GPR39: variants seen among roughly 807,000 people sequenced by gnomAD.
GPR39 encodes the protein zinc sensing receptor.
GPR39 carries 23 observed loss-of-function variants against 18.4 expected under a neutral mutation model. The ratio of observed to expected loss-of-function variants is 1.25; its 90% confidence interval spans 0.90 to 1.77. The LOEUF is 1.77. Among genes scored for constraint, GPR39 ranks in the 40% most tolerant of loss-of-function variants. The pLI, the probability that GPR39 is intolerant of heterozygous loss-of-function variation, is 0.00. For missense variants in GPR39, 647 were observed against 602.4 expected, an observed-to-expected ratio of 1.07 and a Z score of -0.78; for synonymous variants, 280 against 257.9, an observed-to-expected ratio of 1.09 and a Z score of -0.82.
intron 1 of GPR39, among the ~76,000 whole-genome samples, chr2:132,585,616 GC>G (rs1345092440): frequency 1.3e-5 from 2 of 152,124 alleles, no homozygotes; most frequent in Non-Finnish European, 2.9e-5. Context: ...TGCTCCGGCC[GC>G]CCCCGGGATG....
intron 1 of GPR39, among the ~76,000 whole-genome samples, chr2:132,420,297 A>G (rs899814043): frequency 8.5e-5 from 13 of 152,218 alleles, no homozygotes; most frequent in African/African-American, 3.1e-4. Flanking sequence ...TCCTCTCCCA[A>G]TGAATTTCAA....
In GPR39 at chr2:132,597,354, T is replaced by C. The variant is rs544122153; in HGVS notation, c.857-47747T>C. On this transcript the variant is annotated intron_variant, in intron 1 of 1. Transcript: ENST00000329321. Reference sequence around the variant, plus strand: ...TTCTGCAAACCCTTTCTTCTGAGCTTCTCCCTGGCTCTGGATTTCACCACC... The same window carrying C: ...TTCTGCAAACCCTTTCTTCTGAGCTCCTCCCTGGCTCTGGATTTCACCACC... Among the ~76,000 whole-genome samples the C allele has an allele frequency of 7.2e-5, 11 of 152,286 alleles. No homozygotes were observed. In the South Asian group the frequency reaches 2.3e-3, roughly 32 times the overall value.
At chr2:132,585,582 G>A (rs1257496541) in intron 1 of GPR39, among the ~76,000 whole-genome samples, 1 of 152,224 alleles carries the variant, frequency 6.6e-6, no homozygotes, top group Admixed American at 6.5e-5. Flanking sequence ...ACTTCGAACC[G>A]CCGGCGCGGC....
chr2:132,441,502 A>G (rs1223755615), intron 1 of GPR39, among the ~76,000 whole-genome samples: 1 of 152,220 alleles, frequency 6.6e-6, no homozygotes, highest in Non-Finnish European at 1.5e-5. Flanking sequence ...TCAGGGAGTC[A>G]TCTATACTTA....
chr2:132,480,160 A>G (rs1409230699), intron 1 of GPR39, among the ~76,000 whole-genome samples: 5 of 152,254 alleles, frequency 3.3e-5, no homozygotes, highest in African/African-American at 9.6e-5. Flanking sequence ...GTCAATCACG[A>G]AAAGATAAAT....
intron 1 of GPR39, among the ~76,000 whole-genome samples, chr2:132,501,300 A>G (rs908222127): frequency 6.6e-6 from 1 of 151,984 alleles, no homozygotes; most frequent in Non-Finnish European, 1.5e-5. Flanking sequence ...CAGTTCAAAG[A>G]ATTTTTAACT....
intron 1 of GPR39, among the ~76,000 whole-genome samples, chr2:132,466,169 G>A (rs1680924499): frequency 6.6e-6 from 1 of 152,014 alleles, no homozygotes; most frequent in African/African-American, 2.4e-5. Flanking sequence ...GGTTTGGAAG[G>A]GTTCATGTCT....
intron 1 of GPR39, among the ~76,000 whole-genome samples, chr2:132,436,503 C>T (rs1680321359): frequency 1.3e-5 from 2 of 152,130 alleles, no homozygotes; most frequent in Admixed American, 1.3e-4. Flanking sequence ...GAGTCATGTT[C>T]TCCGCATTTT....
chr2:132,492,886 C>T lies in GPR39; in HGVS notation c.856+74988C>T, dbSNP rs191921826. Among the ~76,000 whole-genome samples the T allele has an allele frequency of 6.2e-3, 844 of 136,506 alleles. 5 individuals are homozygous for T. The highest frequency in any genetic ancestry group is 0.023 in the Middle Eastern group (2 of 88). The allele number at this position is 136,506 out of a possible 152,430, so 89.6% of individuals were successfully genotyped here. ...CATATATGTACACCATATATATACA[C>T]CATATATATACCATATATATACACC... On this transcript the variant is annotated intron_variant, in intron 1 of 1. Coordinates refer to ENST00000329321, the MANE Select transcript of GPR39 (RefSeq NM_001508.3).
At chr2:132,436,653 A>G (rs1196323758) in intron 1 of GPR39, among the ~76,000 whole-genome samples, 8 of 152,124 alleles carry the variant, frequency 5.3e-5, no homozygotes, top group Non-Finnish European at 2.9e-5. Flanking sequence ...GGTGGGTAGT[A>G]TTTGTGATTA....
At chr2:132,546,336 C>G (rs1679948082) in intron 1 of GPR39, among the ~76,000 whole-genome samples, 1 of 152,166 alleles carries the variant, frequency 6.6e-6, no homozygotes, top group Non-Finnish European at 1.5e-5. Context: ...AGAGGCCCCA[C>G]AGGGCACAGC....
intron 1 of GPR39, among the ~76,000 whole-genome samples, chr2:132,530,287 A>T (rs920659078): frequency 4.7e-4 from 72 of 152,284 alleles, no homozygotes; most frequent in Non-Finnish European, 4.1e-4. Context: ...AAATGAAGAG[A>T]GAAGAGAAGT....
At chr2:132,539,132 G>C (rs1679814296) in intron 1 of GPR39, among the ~76,000 whole-genome samples, 1 of 152,198 alleles carries the variant, frequency 6.6e-6, no homozygotes, top group Non-Finnish European at 1.5e-5. Flanking sequence ...CTGCAGCTCA[G>C]TGCCTGCCCA....
chr2:132,593,959 C>T lies in GPR39; in HGVS notation c.857-51142C>T, dbSNP rs79843521. On this transcript the variant is annotated intron_variant, in intron 1 of 1. Transcript: ENST00000329321. ...GCCTAGAAACTCATTCCTCCCATCC[C>T]GCCTCCCTGATATTTTGTCCAGGTC... Among the ~76,000 whole-genome samples the T allele has an allele frequency of 1.4e-4, 22 of 152,228 alleles. No individual in the cohort carries two copies. The East Asian group carries it at 2.9e-3, about 20-fold the overall frequency.
chr2:132,575,538 G>A (rs1680515157), intron 1 of GPR39, among the ~76,000 whole-genome samples: 1 of 152,164 alleles, frequency 6.6e-6, no homozygotes, highest in Admixed American at 6.5e-5. Context: ...CTGTTTTCCA[G>A]AGTGGTTGTA....
chr2:132,523,272 C>T (rs1309906016), intron 1 of GPR39, among the ~76,000 whole-genome samples: 1 of 152,210 alleles, frequency 6.6e-6, no homozygotes, highest in African/African-American at 2.4e-5. Context: ...CATCTTTTGT[C>T]ACCATCGTTT....
At chr2:132,602,148 AC>A (rs1429198033) in intron 1 of GPR39, among the ~76,000 whole-genome samples, 1 of 152,126 alleles carries the variant, frequency 6.6e-6, no homozygotes, top group African/African-American at 2.4e-5. Flanking sequence ...AAAATATACC[AC>A]AAAGCTATAG....
At chr2:132,512,973 G>A (rs928319261) in intron 1 of GPR39, among the ~76,000 whole-genome samples, 6 of 152,136 alleles carry the variant, frequency 3.9e-5, no homozygotes, top group Admixed American at 2.0e-4. Flanking sequence ...ATGATTCTGC[G>A]GGTTGACTGG....
rs1185709612 is a variant in GPR39, at chr2:132,492,574, TATATATACACACCATATATATACC to T, written c.856+74692_856+74715del. ...TACACCATATATACGATATATACCA[TATATATACACACCATATATATACC>T]ATATATACACACCATCTATATATAC... On this transcript the variant is annotated intron_variant, in intron 1 of 1. Transcript: ENST00000329321. Among the ~76,000 whole-genome samples the T allele has an allele frequency of 4.1e-3, 556 of 137,000 alleles. 15 individuals are homozygous for T. Among genetic ancestry groups the T allele is most frequent in the African/African-American group, 0.015 (535 of 35,336 alleles). The allele number at this position is 137,000 out of a possible 152,430, so 89.9% of individuals were successfully genotyped here. A position where few individuals can be genotyped will look rare whatever the true frequency, so the allele number is the denominator to read the frequency against.
Sources: allele counts gnomAD v4.1 joint callset (sites outside exome capture counted in the v4.1 genomes callset), GRCh38; gene constraint gnomAD v4.1.1; transcripts MANE v1.5; gene names NCBI Gene and HGNC (gene_info 2026-07-23, HGNC 2026-07-21).